QTGAL: variants seen among roughly 807,000 people sequenced by gnomAD.
QTGAL encodes the protein BGnT-like protein 1.
At chr17:82,942,624 C>G in the QTGAL span, 1 of 888,896 alleles carries the variant, frequency 1.1e-6, no homozygotes, top group Non-Finnish European at 1.8e-6. Flanking sequence ...CTCTCTGCAC[C>G]TGCGCTCTGG....
the QTGAL span, among the ~76,000 whole-genome samples, chr17:83,032,464 G>A: frequency 8.0e-6 from 1 of 124,782 alleles, no homozygotes; most frequent in African/African-American, 3.1e-5. Flanking sequence ...AACCAGGTCA[G>A]ACCAGGCCAG....
chr17:83,051,528 C>G, the QTGAL span, among the ~76,000 whole-genome samples: 1 of 152,196 alleles, frequency 6.6e-6, no homozygotes, highest in South Asian at 2.1e-4. Flanking sequence ...CTCGGCCGCG[C>G]CCCGCGGGCT....
At chr17:83,051,722 C>G in the QTGAL span, 5 of 1,482,654 alleles carry the variant, frequency 3.4e-6, no homozygotes, top group Non-Finnish European at 3.6e-6. Flanking sequence ...GGGCACCCTC[C>G]CCGCTGGCAC....
the QTGAL span, among the ~76,000 whole-genome samples, chr17:82,997,941 A>ATATC: frequency 1.4e-5 from 2 of 147,836 alleles, no homozygotes; most frequent in South Asian, 2.1e-4. Flanking sequence ...ATATATATAT[A>ATATC]TATATATCTA....
the QTGAL span, among the ~76,000 whole-genome samples, chr17:83,020,675 C>T: frequency 2.0e-5 from 3 of 152,186 alleles, no homozygotes; most frequent in Admixed American, 1.3e-4. Context: ...GCCATCCCGA[C>T]CATCCGGTCA....
chr17:82,956,842 C>G, the QTGAL span: 1 of 1,502,376 alleles, frequency 6.7e-7, no homozygotes, highest in South Asian at 1.2e-5. This position sits in a 1 kb window ranked among gnomAD's most constrained non-coding sequence, Gnocchi z 5.7. Context: ...TCAGGGTGCA[C>G]GCAGCCACCA....
At chr17:82,987,330 A>C in the QTGAL span, among the ~76,000 whole-genome samples, 89 of 152,358 alleles carry the variant, frequency 5.8e-4, no homozygotes, top group African/African-American at 2.0e-3. Flanking sequence ...TTTAAAAAGA[A>C]GACTTATTTG....
At chr17:82,995,663 G>A in the QTGAL span, among the ~76,000 whole-genome samples, 1 of 152,140 alleles carries the variant, frequency 6.6e-6, no homozygotes, top group Admixed American at 6.5e-5. Flanking sequence ...GATTATAGAT[G>A]TGAGCCACTA....
the QTGAL span, chr17:83,006,591 GC>G: frequency 3.0e-6 from 3 of 985,372 alleles, no homozygotes; most frequent in African/African-American, 3.5e-5. This position sits in a 1 kb window ranked among gnomAD's most constrained non-coding sequence, Gnocchi z 5.8. Flanking sequence ...GCCACTGGCA[GC>G]CCCTCAACGG....
At chr17:82,983,324 A>G in the QTGAL span, among the ~76,000 whole-genome samples, 1 of 152,316 alleles carries the variant, frequency 6.6e-6, no homozygotes, top group East Asian at 1.9e-4. Flanking sequence ...TGTGAGTCTA[A>G]AATTATTTCA....
chr17:82,975,980 G>C, the QTGAL span, among the ~76,000 whole-genome samples: 35 of 56,558 alleles, frequency 6.2e-4, no homozygotes, highest in Admixed American at 6.6e-4. Flanking sequence ...GGACAGAGCC[G>C]GACTCCATCC....
chr17:82,982,886 G>A, the QTGAL span, among the ~76,000 whole-genome samples: 1 of 152,226 alleles, frequency 6.6e-6, no homozygotes, highest in African/African-American at 2.4e-5. Flanking sequence ...TCCACGTGGA[G>A]TTTCTGGTTT....
At chr17:83,013,091 G>A in the QTGAL span, among the ~76,000 whole-genome samples, 13 of 152,240 alleles carry the variant, frequency 8.5e-5, 1 homozygote, top group South Asian at 2.1e-3. Flanking sequence ...ACATATTTGC[G>A]GTTCCTAAAC....
At chr17:83,024,422 C>T in the QTGAL span, among the ~76,000 whole-genome samples, 3 of 152,378 alleles carry the variant, frequency 2.0e-5, no homozygotes, top group East Asian at 1.9e-4. Context: ...AGACGGAGTT[C>T]GCGAGACCAC....
the QTGAL span, chr17:83,005,740 A>G: frequency 2.6e-5 from 21 of 794,630 alleles, no homozygotes; most frequent in African/African-American, 2.9e-4. The surrounding 1 kb of genome is among the most constrained non-coding windows in gnomAD (Gnocchi z 5.6). Context: ...CCGGGCATCC[A>G]GGCCAGCACC....
At chr17:82,953,079 C>T in the QTGAL span, among the ~76,000 whole-genome samples, 1 of 152,138 alleles carries the variant, frequency 6.6e-6, no homozygotes, top group Non-Finnish European at 1.5e-5. Flanking sequence ...TAAATGCCCA[C>T]ATCAGAAAGC....
At chr17:83,040,813 C>G in the QTGAL span, among the ~76,000 whole-genome samples, 1 of 152,006 alleles carries the variant, frequency 6.6e-6, no homozygotes, top group Non-Finnish European at 1.5e-5. Flanking sequence ...TGCCTGTAAT[C>G]CCAGCACTTT....
At chr17:82,977,269 G>A in the QTGAL span, among the ~76,000 whole-genome samples, 1 of 152,216 alleles carries the variant, frequency 6.6e-6, no homozygotes, top group Admixed American at 6.5e-5. Context: ...GACAGCTGCG[G>A]CGCCGCCCCG....
chr17:83,042,358 C>T, the QTGAL span, among the ~76,000 whole-genome samples: 1 of 152,116 alleles, frequency 6.6e-6, no homozygotes, highest in Non-Finnish European at 1.5e-5. Flanking sequence ...TGGAGTGAGC[C>T]CCTGCCCCCT....
Sources: allele counts gnomAD v4.1 joint callset (sites outside exome capture counted in the v4.1 genomes callset), GRCh38; gene constraint gnomAD v4.1.1; non-coding constraint Gnocchi (gnomAD v3.1); transcripts MANE v1.5; gene names NCBI Gene and HGNC (gene_info 2026-07-23, HGNC 2026-07-21).